NALF1: variants seen among roughly 807,000 people sequenced by gnomAD.
The protein encoded by NALF1 is family with sequence similarity 155 member A.
A neutral mutation model predicts 48.4 loss-of-function variants in NALF1; 3 were observed. The observed-to-expected ratio is 0.06, with a 90% CI of 0.03 to 0.16. NALF1 has a LOEUF of 0.16. Ranked by LOEUF, NALF1 falls within the 10% of genes least tolerant of loss-of-function variation. The pLI, the probability that NALF1 is intolerant of heterozygous loss-of-function variation, is 1.00. For synonymous variants in NALF1, 262 were observed against 245.7 expected (o/e 1.07, Z -0.62); for missense variants, 526 against 571.5 (o/e 0.92, Z 0.81).
rs1878609800 is a variant in NALF1 at position 107,163,985 on chromosome 13, AT to A, written c.*6511del. ...GTTTATATTTCCTATTGTTTTATCC[AT>A]TTTGCAGTGAAATGGTCAGTAGAAA... On this transcript the variant is annotated 3_prime_UTR_variant, in exon 3 of 3. Transcript: ENST00000375915. 1.3e-5 allele frequency: 2 copies of A among 152,284 alleles called. No homozygotes were observed. Among genetic ancestry groups the A allele is most frequent in the South Asian group, 4.1e-4 (2 of 4,826 alleles). The allele number at this position is 152,284 out of a possible 1,614,324, so 9.4% of individuals were successfully genotyped here.
At chr13:107,300,700 T>C (rs1881820027) in intron 1 of NALF1, among the ~76,000 whole-genome samples, 1 of 152,180 alleles carries the variant, frequency 6.6e-6, no homozygotes, top group Non-Finnish European at 1.5e-5. Flanking sequence ...TGGAATGAAA[T>C]ATAAAAGTAC....
chr13:107,450,224 A>G (rs1046877009), intron 1 of NALF1, among the ~76,000 whole-genome samples: 1 of 152,132 alleles, frequency 6.6e-6, no homozygotes, highest in African/African-American at 2.4e-5. Flanking sequence ...AAGAACACCC[A>G]TATTTGAAGG....
intron 1 of NALF1, among the ~76,000 whole-genome samples, chr13:107,798,754 T>A (rs1878510755): frequency 6.6e-6 from 1 of 152,226 alleles, no homozygotes; most frequent in African/African-American, 2.4e-5. Context: ...CAATACTTCA[T>A]TTGCAGGCTA....
Position 107,164,209 on chromosome 13 carries a change from C to T in NALF1, c.*6288G>A, listed in dbSNP as rs1030825875. 7.2e-5 allele frequency: 11 copies of T among 152,222 alleles called. No individual in the cohort carries two copies. Among genetic ancestry groups the T allele is most frequent in the Middle Eastern group, 3.4e-3 (1 of 294 alleles). The allele number at this position is 152,222 out of a possible 1,614,324, so 9.4% of individuals were successfully genotyped here. A position where few individuals can be genotyped will look rare whatever the true frequency, so the allele number is the denominator to read the frequency against. On this transcript the variant is annotated 3_prime_UTR_variant, in exon 3 of 3. Coordinates refer to ENST00000375915, the MANE Select transcript of NALF1 (RefSeq NM_001080396.3). ...GAAGTTGTAAATTTATTTCACTGAT[C>T]CTTCTCGCCACTGATTCTATGCAAC...
intron 1 of NALF1, among the ~76,000 whole-genome samples, chr13:107,502,111 G>T (rs1875544556): frequency 6.6e-6 from 1 of 151,658 alleles, no homozygotes; most frequent in African/African-American, 2.4e-5. Context: ...TATCCCGAAT[G>T]AAAAAAGAGA....
intron 1 of NALF1, among the ~76,000 whole-genome samples, chr13:107,363,654 A>G (rs986342119): frequency 6.6e-6 from 1 of 152,218 alleles, no homozygotes; most frequent in African/African-American, 2.4e-5. Flanking sequence ...AAAGAAGAGT[A>G]TATGATTTTA....
chr13:107,562,304 T>C (rs948841873), intron 1 of NALF1, among the ~76,000 whole-genome samples: 17 of 152,210 alleles, frequency 1.1e-4, no homozygotes, highest in African/African-American at 4.1e-4. Context: ...CTGTGCAGTT[T>C]TATTTCTAAG....
At chr13:107,663,528 T>C (rs977146815) in intron 1 of NALF1, among the ~76,000 whole-genome samples, 8 of 152,182 alleles carry the variant, frequency 5.3e-5, no homozygotes, top group Non-Finnish European at 1.2e-4. Flanking sequence ...TAATCGTATT[T>C]TCATGTGTTT....
chr13:107,477,833 A>T (rs1885196209), intron 1 of NALF1, among the ~76,000 whole-genome samples: 1 of 152,056 alleles, frequency 6.6e-6, no homozygotes. Flanking sequence ...TCAACCCAGG[A>T]ATGTCTTTCT....
intron 1 of NALF1, among the ~76,000 whole-genome samples, chr13:107,287,745 G>A (rs938091854): frequency 1.8e-4 from 19 of 108,412 alleles, no homozygotes; most frequent in African/African-American, 5.1e-4. Context: ...TTGTTTTGTC[G>A]CCCAGGCTGG....
chr13:107,172,111 C>A (rs886178428), intron 2 of NALF1, among the ~76,000 whole-genome samples: 3 of 152,194 alleles, frequency 2.0e-5, no homozygotes, highest in Admixed American at 1.3e-4. Context: ...ACTCGCCAAG[C>A]TACTGTTTCT....
rs1454309211 is a variant in NALF1, at chr13:107,764,883, TAA to T, written c.915+100797_915+100798del. Among the ~76,000 whole-genome samples, 3 of 152,192 alleles carry T rather than the reference TAA, an allele frequency of 2.0e-5. No individual in the cohort carries two copies. The East Asian group carries it at 5.8e-4, about 29-fold the overall frequency. On this transcript the variant is annotated intron_variant, in intron 1 of 2. Transcript: ENST00000375915. ...TCTGCAGACGGCTGCATTCAATTAA[TAA>T]GTTTCCAGACATTGAACTGAAAGAA...
chr13:107,456,507 G>A (rs1884827929), intron 1 of NALF1, among the ~76,000 whole-genome samples: 1 of 152,070 alleles, frequency 6.6e-6, no homozygotes, highest in South Asian at 2.1e-4. Context: ...GAAATACTCA[G>A]GTATTCTAAG....
In NALF1 at chr13:107,794,888, G is replaced by A. The variant is rs114484836; in HGVS notation, c.915+70794C>T. Among the ~76,000 whole-genome samples, 585 of 152,040 alleles carry A rather than the reference G, an allele frequency of 3.8e-3. 2 individuals are homozygous for A. The highest frequency in any genetic ancestry group is 0.014 in the African/African-American group (572 of 41,500). On this transcript the variant is annotated intron_variant, in intron 1 of 2. Coordinates refer to ENST00000375915, the MANE Select transcript of NALF1 (RefSeq NM_001080396.3). ...AATAATTGGTTTATTTTAATAAAAG[G>A]CAAATATTTTTCTGAACAAGTTCTT...
intron 1 of NALF1, among the ~76,000 whole-genome samples, chr13:107,386,659 C>A (rs1424386732): frequency 6.6e-6 from 1 of 152,192 alleles, no homozygotes; most frequent in Non-Finnish European, 1.5e-5. Context: ...TGACCTCAAA[C>A]TTTAATATGC....
At chr13:107,680,086 G>GGTGCCCGT (rs1353708927) in intron 1 of NALF1, among the ~76,000 whole-genome samples, 3 of 152,112 alleles carry the variant, frequency 2.0e-5, no homozygotes, top group African/African-American at 2.4e-5. Flanking sequence ...TGAGTGCCCA[G>GGTGCCCGT]GTGCCCATGT....
intron 1 of NALF1, among the ~76,000 whole-genome samples, chr13:107,807,769 G>A (rs1352773488): frequency 6.6e-6 from 1 of 152,100 alleles, no homozygotes; most frequent in Non-Finnish European, 1.5e-5. Flanking sequence ...CATAATGACT[G>A]CTAATTTGCA....
rs1479695364 is a variant in NALF1 at position 107,771,289 on chromosome 13, C to T, written c.915+94393G>A. 4.7e-5 allele frequency among the ~76,000 whole-genome samples: 7 copies of T among 148,956 alleles called. No individual in the cohort carries two copies. The East Asian group carries it at 8.7e-4, about 19-fold the overall frequency. On this transcript the variant is annotated intron_variant, in intron 1 of 2. Transcript: ENST00000375915. ...CAGTATATGATAATTACTTGAAATCCGCTTTCAAAAAATGTTTTACAATTG... is the reference window on the plus strand; with the variant it reads ...CAGTATATGATAATTACTTGAAATCTGCTTTCAAAAAATGTTTTACAATTG...
At chr13:107,352,536 G>T (rs1882895712) in intron 1 of NALF1, among the ~76,000 whole-genome samples, 1 of 152,134 alleles carries the variant, frequency 6.6e-6, no homozygotes, top group East Asian at 1.9e-4. Context: ...TATCTTCCAG[G>T]TTGCAGGGTG....
Sources: gnomAD v4.1 joint callset for allele counts (sites outside exome capture counted in the v4.1 genomes callset) on GRCh38, gnomAD v4.1.1 for gene constraint, MANE v1.5 for transcripts, NCBI Gene and HGNC (gene_info 2026-07-23, HGNC 2026-07-21) for gene names.